Variants in PRRG1 observed in about 807,000 individuals in gnomAD.
PRRG1 encodes proline rich and Gla domain 1, also known as transmembrane gamma-carboxyglutamic acid protein 1.
PRRG1 carries 5 observed loss-of-function variants against 11.8 expected under a neutral mutation model. The observed-to-expected ratio is 0.42, with a 90% CI of 0.22 to 0.89. PRRG1 has a LOEUF of 0.89. Ranked by LOEUF, PRRG1 falls within the 40% of genes least tolerant of loss-of-function variation. The pLI is 0.28. For synonymous variants in PRRG1, 66 were observed against 60.4 expected, an observed-to-expected ratio of 1.09 and a Z score of -0.43; for missense variants, 155 against 166.1, an observed-to-expected ratio of 0.93 and a Z score of 0.37.
chrX:37,452,649 A>G (rs1326560631), intron 3 of PRRG1, among the ~76,000 whole-genome samples: 1 of 111,694 alleles, frequency 9.0e-6, no homozygotes, highest in African/African-American at 3.3e-5. Context: ...GGAACCCCAA[A>G]CAGAACCATT....
At chrX:37,438,462 G>T (rs1556392639) in intron 3 of PRRG1, among the ~76,000 whole-genome samples, 3 of 94,655 alleles carry the variant, frequency 3.2e-5, no homozygotes, top group Non-Finnish European at 4.1e-5. Context: ...TTGAAACACG[G>T]TTTCGCTCTT....
At chrX:37,444,214 T>C (rs1933033827) in intron 3 of PRRG1, among the ~76,000 whole-genome samples, 1 of 112,022 alleles carries the variant, frequency 8.9e-6, no homozygotes, top group Admixed American at 9.5e-5. Context: ...TGAGGATCTC[T>C]CCCCTCTCTG....
chrX:37,433,511 C>T (rs186579123), intron 3 of PRRG1, among the ~76,000 whole-genome samples: 1,105 of 108,356 alleles, frequency 0.01, 13 homozygotes, highest in African/African-American at 0.035. Context: ...ATTGCAACCG[C>T]TTGTCCCTTC....
chrX:37,369,347 A>G (rs182884163), intron 1 of PRRG1, among the ~76,000 whole-genome samples: 1 of 112,113 alleles, frequency 8.9e-6, no homozygotes, highest in African/African-American at 3.2e-5. Context: ...ATGTTTTAAC[A>G]GTTTTTCAGT....
At chrX:37,389,868 T>C (rs1931467311) in intron 1 of PRRG1, among the ~76,000 whole-genome samples, 1 of 111,868 alleles carries the variant, frequency 8.9e-6, no homozygotes, top group African/African-American at 3.3e-5. Context: ...GAGTAGGTCT[T>C]ACTGATTGGT....
chrX:37,417,918 A>T (rs1474573841), intron 2 of PRRG1, among the ~76,000 whole-genome samples: 6 of 111,926 alleles, frequency 5.4e-5, no homozygotes, highest in Admixed American at 9.5e-5. Flanking sequence ...GGTTTGGGAT[A>T]TGGTGATTGC....
chrX:37,352,496 T>C (rs782669994), intron 1 of PRRG1, among the ~76,000 whole-genome samples: 1 of 111,655 alleles, frequency 9.0e-6, no homozygotes, highest in East Asian at 2.8e-4. Flanking sequence ...TGAAAAAATA[T>C]TCCAAACCAA....
intron 1 of PRRG1, among the ~76,000 whole-genome samples, chrX:37,360,965 G>A (rs1440321620): frequency 1.8e-5 from 2 of 112,498 alleles, no homozygotes; most frequent in Non-Finnish European, 3.7e-5. Flanking sequence ...TTGTAAATTA[G>A]CGACATAATT....
chrX:37,412,857 G>A (rs1932386301), intron 2 of PRRG1, among the ~76,000 whole-genome samples: 1 of 111,131 alleles, frequency 9.0e-6, no homozygotes, highest in Admixed American at 9.5e-5. Context: ...TAGCACTATT[G>A]ATTTTTTTTA....
At chrX:37,438,067 C>T (rs1303154998) in intron 3 of PRRG1, among the ~76,000 whole-genome samples, 1 of 110,287 alleles carries the variant, frequency 9.1e-6, no homozygotes, top group Non-Finnish European at 1.9e-5. Context: ...AACAAATTAG[C>T]CAGGCATGGT....
intron 1 of PRRG1, among the ~76,000 whole-genome samples, chrX:37,387,611 A>G (rs1931370554): frequency 9.0e-6 from 1 of 111,249 alleles, no homozygotes; most frequent in Non-Finnish European, 1.9e-5. Flanking sequence ...TCACAAGAAA[A>G]GCACCAAGGG....
chrX:37,409,388 T>C (rs1556383096), intron 2 of PRRG1, among the ~76,000 whole-genome samples: 1 of 111,752 alleles, frequency 8.9e-6, no homozygotes, highest in African/African-American at 3.3e-5. Flanking sequence ...CCCGTGCAGT[T>C]CAAATATGTG....
At chrX:37,399,079 T>G (rs1602001674) in intron 1 of PRRG1, among the ~76,000 whole-genome samples, 2 of 111,867 alleles carry the variant, frequency 1.8e-5, no homozygotes, top group South Asian at 7.5e-4. Context: ...CCAGGAGAAC[T>G]TCACCAATCT....
chrX:37,431,208 C>T (rs1272342244), intron 3 of PRRG1, among the ~76,000 whole-genome samples: 1 of 112,052 alleles, frequency 8.9e-6, no homozygotes, highest in Non-Finnish European at 1.9e-5. Context: ...CTGTTATGAA[C>T]ATTGCATAGG....
At chrX:37,432,997 C>T (rs1932847836) in intron 3 of PRRG1, among the ~76,000 whole-genome samples, 1 of 111,267 alleles carries the variant, frequency 9.0e-6, no homozygotes, top group South Asian at 3.8e-4. Context: ...TATCCCACAC[C>T]CCATCTGCAA....
intron 1 of PRRG1, among the ~76,000 whole-genome samples, chrX:37,367,197 T>TA (rs1382403206): frequency 4.4e-5 from 5 of 112,399 alleles, no homozygotes; most frequent in African/African-American, 1.6e-4. Flanking sequence ...TACATTTTTG[T>TA]AAAAAAATAT....
intron 1 of PRRG1, among the ~76,000 whole-genome samples, chrX:37,384,723 T>C (rs781986247): frequency 3.6e-5 from 4 of 111,890 alleles, no homozygotes; most frequent in Non-Finnish European, 7.5e-5. Flanking sequence ...TTCATTTTCA[T>C]CACTTATCAG....
At chrX:37,382,433 C>A (rs1461998974) in intron 1 of PRRG1, among the ~76,000 whole-genome samples, 2 of 110,888 alleles carry the variant, frequency 1.8e-5, no homozygotes, top group Admixed American at 9.6e-5. Flanking sequence ...GTATATCTTG[C>A]AGCTATAGAT....
intron 3 of PRRG1, among the ~76,000 whole-genome samples, chrX:37,446,085 GT>G (rs1428925779): frequency 8.9e-6 from 1 of 112,474 alleles, no homozygotes; most frequent in Admixed American, 9.4e-5. Context: ...GGTCATTGCA[GT>G]TTGGTGCGTA....
Sources: allele counts gnomAD v4.1 joint callset (sites outside exome capture counted in the v4.1 genomes callset), GRCh38; gene constraint gnomAD v4.1.1; transcripts MANE v1.5; gene names NCBI Gene and HGNC (gene_info 2026-07-23, HGNC 2026-07-21).